The following SLC12A8 variants were observed in gnomAD, a reference collection of about 807,000 sequenced individuals.
SLC12A8 encodes the protein cation-chloride cotransporter 9.
Under a neutral mutation model 75.6 loss-of-function variants are expected in SLC12A8, and 69 were observed. The ratio of observed to expected loss-of-function variants is 0.91; its 90% CI spans 0.75 to 1.11. SLC12A8 has a LOEUF of 1.11. Ranked by LOEUF, SLC12A8 falls within the 50% of genes most tolerant of loss-of-function variation. The probability of loss-of-function intolerance (pLI) is 0.00; values close to 1 mark genes in which losing one functional copy is unlikely to be tolerated. For synonymous variants in SLC12A8, 365 were observed against 372.8 expected (o/e 0.98, Z 0.24); for missense variants, 877 against 896.7 (o/e 0.98, Z 0.28).
intron 5 of SLC12A8, among the ~76,000 whole-genome samples, chr3:125,160,045 G>A (rs1934134679): frequency 6.6e-6 from 1 of 152,200 alleles, no homozygotes. Flanking sequence ...GGGCTCAAGT[G>A]ATTCCTCCTG....
intron 3 of SLC12A8, among the ~76,000 whole-genome samples, chr3:125,187,685 T>C (rs1049953995): frequency 6.6e-6 from 1 of 152,182 alleles, no homozygotes; most frequent in African/African-American, 2.4e-5. Context: ...CAGTCAGAGC[T>C]GCTGATGCCC....
Position 125,114,705 on chromosome 3 carries a change from G to A in SLC12A8, c.912+4064C>T, listed in dbSNP as rs549792691. Among the ~76,000 whole-genome samples the A allele has an allele frequency of 9.8e-4, 149 of 152,282 alleles. 1 individual carries two copies. Among genetic ancestry groups the A allele is most frequent in the Non-Finnish European group, 3.5e-4 (24 of 68,008 alleles). ...CCCTCCCAAAGTGCTGGGATTACAG[G>A]CATGAACCACCCAGATTCCCTAGTC... is the stretch of plus-strand genomic sequence containing the variant. On this transcript the variant is annotated intron_variant, in intron 8 of 13. Coordinates refer to ENST00000469902, the MANE Select transcript of SLC12A8 (RefSeq NM_024628.6).
rs1377545836 is a variant in SLC12A8, at chr3:125,084,233, G to A, written c.1983-181C>T. 1.0e-4 allele frequency among the ~76,000 whole-genome samples: 14 copies of A among 134,978 alleles called. No homozygotes were observed. The Admixed American group carries it at 1.1e-3, about 10-fold the overall frequency. 88.6% of individuals were successfully genotyped at this position (134,978 alleles called of 152,430 possible). On this transcript the variant is annotated intron_variant, in intron 13 of 13. Transcript: ENST00000469902. ...GAACTCAAAGCATGAGAAATACAAA[G>A]TATCAAATAAAATAAAAAGAGACAG... is the stretch of plus-strand genomic sequence containing the variant.
At chr3:125,125,944 C>T in intron 6 of SLC12A8, 1 of 984,892 alleles carries the variant, frequency 1.0e-6, no homozygotes, top group Non-Finnish European at 1.2e-6. Context: ...GCACTTGCAT[C>T]ACCAGCTCCT....
At chr3:125,177,311 A>T (rs1031255444) in intron 5 of SLC12A8, among the ~76,000 whole-genome samples, 1 of 114,254 alleles carries the variant, frequency 8.8e-6, no homozygotes, top group Non-Finnish European at 1.7e-5. Flanking sequence ...AACATCACAC[A>T]CCAGGGACTG....
chr3:125,140,590 C>T (rs1009397073), intron 5 of SLC12A8, among the ~76,000 whole-genome samples: 2 of 152,212 alleles, frequency 1.3e-5, no homozygotes, highest in Non-Finnish European at 2.9e-5. Context: ...GCTTACACAG[C>T]TGGGAGGACA....
At chr3:125,148,672 C>A (rs1238032976) in intron 5 of SLC12A8, among the ~76,000 whole-genome samples, 1 of 152,212 alleles carries the variant, frequency 6.6e-6, no homozygotes, top group African/African-American at 2.4e-5. Context: ...GCTGCTCGCA[C>A]CACAGAGCCC....
In SLC12A8 at chr3:125,110,395, C is replaced by T. The variant is rs145642323; in HGVS notation, c.913-60G>A. The T allele has an allele frequency of 8.2e-5, 127 of 1,555,110 alleles. No homozygotes were observed. The African/African-American group carries it at 1.6e-3, about 20-fold the overall frequency. ...AACCTGCTCCTGTGCCTTTCTACCC[C>T]CCCAGCACCCACCCACCTGCACCCC... is the stretch of plus-strand genomic sequence containing the variant. On this transcript the variant is annotated intron_variant, in intron 8 of 13. Transcript: ENST00000469902.
At chr3:125,125,486 G>A (rs1420233548) in intron 6 of SLC12A8, among the ~76,000 whole-genome samples, 1 of 152,222 alleles carries the variant, frequency 6.6e-6, no homozygotes, top group Non-Finnish European at 1.5e-5. Flanking sequence ...TTGAATCTGG[G>A]AGGCGTAGGT....
intron 2 of SLC12A8, among the ~76,000 whole-genome samples, chr3:125,202,315 G>A (rs1349105866): frequency 6.6e-6 from 1 of 152,206 alleles, no homozygotes; most frequent in East Asian, 1.9e-4. Flanking sequence ...GTTTTGGCCA[G>A]AGAAAGTATA....
chr3:125,110,403 C>G, intron 8 of SLC12A8, 68 bp from the exon 9 acceptor site: 1 of 1,514,426 alleles, frequency 6.6e-7, no homozygotes, highest in Non-Finnish European at 9.0e-7. Context: ...CCCCCCAGCA[C>G]CCACCCACCT....
In SLC12A8 at chr3:125,130,893, G is replaced by A. The variant is rs187840380; in HGVS notation, c.736+4776C>T. Among the ~76,000 whole-genome samples the A allele has an allele frequency of 7.5e-3, 1,140 of 152,318 alleles. 4 individuals are homozygous for A. Among genetic ancestry groups the A allele is most frequent in the Admixed American group, 0.013 (195 of 15,300 alleles). ...AAGACAAACCCCTGGTGCACCTGAG[G>A]ACGCCCGAGACATTCCCTGCACAGT... On this transcript the variant is annotated intron_variant, in intron 6 of 13. Transcript: ENST00000469902.
intron 6 of SLC12A8, among the ~76,000 whole-genome samples, chr3:125,123,297 C>A (rs887533418): frequency 2.0e-5 from 3 of 150,178 alleles, no homozygotes; most frequent in South Asian, 4.3e-4. Context: ...ATCACTTGAG[C>A]CCAGGAGGTA....
chr3:125,116,728 G>C (rs1939320665), intron 8 of SLC12A8, among the ~76,000 whole-genome samples: 1 of 152,206 alleles, frequency 6.6e-6, no homozygotes, highest in African/African-American at 2.4e-5. Context: ...AGGGTGGAAG[G>C]ACCTCTGTGA....
chr3:125,159,202 T>C (rs1934110515), intron 5 of SLC12A8, among the ~76,000 whole-genome samples: 2 of 152,236 alleles, frequency 1.3e-5, no homozygotes, highest in African/African-American at 2.4e-5. Context: ...TCAGTTAAGA[T>C]GGCAGACTGA....
At position 125,141,944 on chromosome 3, in the gene SLC12A8, ACCCGC is replaced by A. The variant is rs1933651463; in HGVS notation, c.623-6167_623-6163del. Among the ~76,000 whole-genome samples the A allele has an allele frequency of 2.0e-5, 3 of 151,546 alleles. No homozygotes were observed. In the South Asian group the frequency reaches 6.3e-4, roughly 32 times the overall value. On this transcript the variant is annotated intron_variant, in intron 5 of 13. Coordinates refer to ENST00000469902, the MANE Select transcript of SLC12A8 (RefSeq NM_024628.6). ...AAGGAGAGGCCGCTTCTGGGAAGGG[ACCCGC>A]ACGACGACGCCCGAAGGGCGTCGGG... is the stretch of plus-strand genomic sequence containing the variant.
At chr3:125,181,161 G>T (rs1297996507) in intron 4 of SLC12A8, among the ~76,000 whole-genome samples, 2 of 152,056 alleles carry the variant, frequency 1.3e-5, no homozygotes, top group Non-Finnish European at 2.9e-5. Flanking sequence ...GACACATGTT[G>T]CCAAAGTCAA....
chr3:125,170,274 G>C (rs561037108), intron 5 of SLC12A8, among the ~76,000 whole-genome samples: 25 of 152,314 alleles, frequency 1.6e-4, no homozygotes, highest in South Asian at 6.2e-4. Context: ...CCTTTGTCCT[G>C]TGAATTCTAT....
At chr3:125,109,016 T>C (rs1939111095) in intron 9 of SLC12A8, among the ~76,000 whole-genome samples, 1 of 152,184 alleles carries the variant, frequency 6.6e-6, no homozygotes, top group Non-Finnish European at 1.5e-5. Context: ...GTCACTGACA[T>C]AGTTCTTGGG....
Sources: gnomAD v4.1 joint callset for allele counts (sites outside exome capture counted in the v4.1 genomes callset) on GRCh38, gnomAD v4.1.1 for gene constraint, MANE v1.5 for transcripts, NCBI Gene and HGNC (gene_info 2026-07-23, HGNC 2026-07-21) for gene names.